Variants in ADGRF3 observed in about 807,000 individuals in gnomAD.
ADGRF3 encodes adhesion G protein-coupled receptor F3.
A neutral mutation model predicts 93.2 loss-of-function variants in ADGRF3; 85 were observed. The ratio of observed to expected loss-of-function variants is 0.91; its 90% confidence interval spans 0.77 to 1.09. The LOEUF is 1.09. Ranked by LOEUF, ADGRF3 falls within the 50% of genes least tolerant of loss-of-function variation. The pLI is 0.00. For missense variants in ADGRF3, 1,125 were observed against 1,246.2 expected, an observed-to-expected ratio of 0.90 and a Z score of 1.46; for synonymous variants, 534 against 532.5, an observed-to-expected ratio of 1.00 and a Z score of -0.04.
chr2:26,345,491 G>A (rs1300835511), intron 1 of ADGRF3, among the ~76,000 whole-genome samples: 1 of 152,092 alleles, frequency 6.6e-6, no homozygotes, highest in East Asian at 1.9e-4. Context: ...TAGACCTGAG[G>A]GGCTTGTCTC....
At position 26,310,125 on chromosome 2, in the gene ADGRF3, T is replaced by A; in HGVS notation, c.2875-20A>T. On this transcript the variant is annotated intron_variant, in intron 11 of 13. Transcript: ENST00000651242. The stretch of plus-strand genomic sequence containing the variant: ...TTGTATCTGCGGGAGAGGTAAATGC[T>A]CTGCTTATGCCAGCCACGGCCCCGG... 1 of 1,614,012 alleles carries A rather than the reference T, an allele frequency of 6.2e-7. No individual in the cohort carries two copies. Among genetic ancestry groups the A allele is most frequent in the Non-Finnish European group, 8.5e-7 (1 of 1,179,886 alleles).
chr2:26,319,618 T>TTC (rs1558391141), intron 1 of ADGRF3, among the ~76,000 whole-genome samples: 519 of 48,570 alleles, frequency 0.011, 5 homozygotes, highest in African/African-American at 0.021. Flanking sequence ...TTCCTTCCTT[T>TTC]CTTTCTTTGT....
rs775227693 is a variant in ADGRF3 at position 26,310,850 on chromosome 2, G to T, written c.2674C>A (p.Pro892Thr). The T allele has an allele frequency of 8.1e-6, 13 of 1,613,120 alleles. No homozygotes were observed. The South Asian group carries it at 1.3e-4, about 16-fold the overall frequency. Residue 892 changes from proline to threonine, a missense_variant, in exon 10 of 14, where the codon CCC (proline) becomes ACC (threonine). Transcript: ENST00000651242. Reference protein sequence around the residue: ...KLLRPSLSEGPPAEKRQALLG... With the variant: ...KLLRPSLSEGTPAEKRQALLG... The stretch of plus-strand genomic sequence containing the variant: ...AGAGCTTGGCGCTTCTCTGCTGGGG[G>T]TCCCTCTGACAGCGAAGGTCTCAGC...
intron 13 of ADGRF3, 30 bp downstream of exon 13, chr2:26,309,496 A>G: frequency 6.2e-7 from 1 of 1,605,644 alleles, no homozygotes; most frequent in Non-Finnish European, 8.5e-7. Context: ...CACCCTGCTT[A>G]CGCTGCCCCT....
chr2:26,339,114 C>CAAAAA (rs61584458), intron 1 of ADGRF3, among the ~76,000 whole-genome samples: 136 of 38,934 alleles, frequency 3.5e-3, no homozygotes, highest in African/African-American at 4.6e-3. Context: ...GACTCCGTCA[C>CAAAAA]AAAAAAAAAA....
intron 4 of ADGRF3, 31 bp downstream of exon 4, chr2:26,316,244 C>T (rs761349740): frequency 4.5e-6 from 7 of 1,543,940 alleles, no homozygotes; most frequent in Non-Finnish European, 6.1e-6. Flanking sequence ...CACTTAAGGC[C>T]ATTGGTTTCC....
chr2:26,332,607 G>T (rs1271020621), intron 1 of ADGRF3, among the ~76,000 whole-genome samples: 1 of 152,088 alleles, frequency 6.6e-6, no homozygotes, highest in Admixed American at 6.5e-5. Context: ...GGGCATGGTG[G>T]TATGTGCCTG....
At chr2:26,325,505 C>T (rs563787702) in intron 1 of ADGRF3, among the ~76,000 whole-genome samples, 1 of 152,264 alleles carries the variant, frequency 6.6e-6, no homozygotes, top group Admixed American at 6.5e-5. Flanking sequence ...TGGGACTGTT[C>T]AGAAAACCCT....
At chr2:26,318,967 G>A (rs1230201174) in intron 1 of ADGRF3, 2 of 1,551,660 alleles carry the variant, frequency 1.3e-6, no homozygotes, top group Non-Finnish European at 8.7e-7. Context: ...CTCACTTACA[G>A]GTTGGGATGC....
chr2:26,311,799 G>A lies in ADGRF3; in HGVS notation c.1725C>T (p.Ala575=), dbSNP rs1674167930. The stretch of plus-strand genomic sequence containing the variant: ...TTTCAGTTCCATTACGGACCAATGG[G>A]GCCAGTGAGTGCCTGGGAATCTGAG... ...LQAQIPRHSL[A]PLVRNGTEIS... is the part of the protein sequence containing the mutation. Residue 575 remains alanine (A), a synonymous_variant, in exon 10 of 14, where the codon GCC becomes GCT. Transcript: ENST00000651242. The A allele has an allele frequency of 1.2e-6, 2 of 1,613,886 alleles. No individual in the cohort carries two copies. The highest frequency in any genetic ancestry group is 2.2e-5 in the South Asian group (2 of 91,042).
chr2:26,326,565 A>G (rs1675444826), intron 1 of ADGRF3, among the ~76,000 whole-genome samples: 2 of 152,188 alleles, frequency 1.3e-5, no homozygotes, highest in African/African-American at 4.8e-5. Flanking sequence ...GATGAAATAT[A>G]CAAGTAAGTA....
At chr2:26,312,814 C>T in intron 9 of ADGRF3, 129 bp downstream of exon 9, 2 of 802,282 alleles carry the variant, frequency 2.5e-6, no homozygotes, top group Non-Finnish European at 2.0e-6. Context: ...AGGAGCAGGC[C>T]CCTGGACTCT....
intron 1 of ADGRF3, among the ~76,000 whole-genome samples, chr2:26,331,407 G>T (rs1675759212): frequency 6.6e-6 from 1 of 152,138 alleles, no homozygotes; most frequent in Admixed American, 6.5e-5. Flanking sequence ...AAAATTAGCT[G>T]GGCGGGGTGG....
chr2:26,330,433 A>C (rs1675699286), intron 1 of ADGRF3, among the ~76,000 whole-genome samples: 1 of 152,022 alleles, frequency 6.6e-6, no homozygotes, highest in Non-Finnish European at 1.5e-5. Context: ...CCAGGGCTTT[A>C]TTTCCCTGCT....
Position 26,315,571 on chromosome 2 carries a change from GC to G in ADGRF3, c.668del (p.Ser223ThrfsTer21). On this transcript the variant is annotated frameshift_variant, in exon 5 of 14. Transcript: ENST00000651242. LOFTEE classifies it high-confidence loss of function. ...QPGTQVSVTS[S>X]HGQAALSVSN... ...AGACGCTGAGGGCAGCCTGGCCGTG[GC>G]TGGAAGTCACAGACACCTGTGTCCC... is the stretch of plus-strand genomic sequence containing the variant. The G allele has an allele frequency of 6.4e-7, 1 of 1,551,560 alleles. No individual in the cohort carries two copies. Among genetic ancestry groups the G allele is most frequent in the Non-Finnish European group, 8.7e-7 (1 of 1,146,976 alleles).
intron 7 of ADGRF3, 85 bp from the exon 8 acceptor site, chr2:26,313,658 G>T (rs1674396181): frequency 1.3e-6 from 2 of 1,565,724 alleles, no homozygotes; most frequent in Non-Finnish European, 1.7e-6. Flanking sequence ...GGGCCCCGAA[G>T]CCTGGTCCTG....
intron 1 of ADGRF3, among the ~76,000 whole-genome samples, chr2:26,321,234 A>G (rs1485823198): frequency 6.6e-6 from 1 of 152,204 alleles, no homozygotes; most frequent in Non-Finnish European, 1.5e-5. Context: ...CATGGGAGCA[A>G]TCGCTCTTGT....
chr2:26,308,945 CT>C lies in ADGRF3; in HGVS notation c.*140del. ...TGAGCTGTAAGATAAATGAGTGTCACTAAGGGAAATATAAGCCTGCCTTTCT... is the reference window on the plus strand; with the variant it reads ...TGAGCTGTAAGATAAATGAGTGTCACAAGGGAAATATAAGCCTGCCTTTCT... On this transcript the variant is annotated 3_prime_UTR_variant, in exon 14 of 14. Transcript: ENST00000651242. 2.7e-6 allele frequency: 3 copies of C among 1,102,806 alleles called. No individual in the cohort carries two copies. Among genetic ancestry groups the C allele is most frequent in the Non-Finnish European group, 4.1e-6 (3 of 732,806 alleles). The allele number at this position is 1,102,806 out of a possible 1,614,324, so 68.3% of individuals were successfully genotyped here. A position where few individuals can be genotyped will look rare whatever the true frequency, so the allele number is the denominator to read the frequency against.
intron 1 of ADGRF3, among the ~76,000 whole-genome samples, chr2:26,338,809 G>A (rs369403374): frequency 2.6e-5 from 4 of 151,784 alleles, no homozygotes; most frequent in African/African-American, 9.7e-5. Flanking sequence ...ATTTGTATTT[G>A]GTACACAGTG....
Sources: allele counts gnomAD v4.1 joint callset (sites outside exome capture counted in the v4.1 genomes callset), GRCh38; gene constraint gnomAD v4.1.1; transcripts MANE v1.5; gene names NCBI Gene and HGNC (gene_info 2026-07-23, HGNC 2026-07-21).